The following MED27 variants were observed in gnomAD, a reference collection of about 807,000 sequenced individuals.
MED27 encodes mediator of RNA polymerase II transcription subunit 27.
A neutral mutation model predicts 38.2 loss-of-function variants in MED27; 30 were observed. The ratio of observed to expected loss-of-function variants is 0.79; its 90% CI spans 0.59 to 1.07. The LOEUF is 1.07. MED27 is among the 50% of genes least tolerant of loss of function. The pLI, the probability that MED27 is intolerant of heterozygous loss-of-function variation, is 0.00. For missense variants in MED27, 289 were observed against 397.5 expected, an observed-to-expected ratio of 0.73 and a Z score of 2.32; for synonymous variants, 122 against 153.5, an observed-to-expected ratio of 0.79 and a Z score of 1.52.
intron 4 of MED27, among the ~76,000 whole-genome samples, chr9:131,909,643 A>G (rs1164010686): frequency 6.6e-6 from 1 of 152,242 alleles, no homozygotes; most frequent in Admixed American, 6.5e-5. Flanking sequence ...TTTAATACAA[A>G]TCAATATGTG....
At chr9:131,985,104 A>T (rs1831820600) in intron 3 of MED27, among the ~76,000 whole-genome samples, 1 of 152,072 alleles carries the variant, frequency 6.6e-6, no homozygotes, top group Non-Finnish European at 1.5e-5. Flanking sequence ...TGGTGGTCTT[A>T]TGAGACTGTT....
At chr9:131,953,435 G>A (rs1831036840) in intron 3 of MED27, among the ~76,000 whole-genome samples, 1 of 152,160 alleles carries the variant, frequency 6.6e-6, no homozygotes, top group African/African-American at 2.4e-5. Flanking sequence ...GGTTTTAGGT[G>A]ATATATGGAT....
At chr9:131,886,545 T>G (rs1390064133) in intron 5 of MED27, among the ~76,000 whole-genome samples, 2 of 152,212 alleles carry the variant, frequency 1.3e-5, no homozygotes, top group Admixed American at 6.5e-5. Context: ...CAATTGCCAG[T>G]CAGTGCCCCC....
chr9:131,995,362 A>C (rs1433480445), intron 3 of MED27, among the ~76,000 whole-genome samples: 1 of 152,052 alleles, frequency 6.6e-6, no homozygotes, highest in Admixed American at 6.6e-5. Context: ...ACCCAACAGC[A>C]TGGACTTGCA....
At chr9:131,966,803 C>T (rs1831360283) in intron 3 of MED27, among the ~76,000 whole-genome samples, 1 of 152,130 alleles carries the variant, frequency 6.6e-6, no homozygotes, top group African/African-American at 2.4e-5. Context: ...CTTCAGTTTC[C>T]TCCTTTACAA....
intron 2 of MED27, among the ~76,000 whole-genome samples, chr9:132,020,449 T>C (rs1832693362): frequency 6.6e-6 from 1 of 152,164 alleles, no homozygotes; most frequent in South Asian, 2.1e-4. Flanking sequence ...ACAGCTGGGA[T>C]GTGTGTTGCG....
intron 3 of MED27, among the ~76,000 whole-genome samples, chr9:131,939,818 G>A (rs760293703): frequency 2.6e-5 from 4 of 151,912 alleles, no homozygotes; most frequent in East Asian, 1.9e-4. Context: ...CTGCTGTTGC[G>A]CACCTCCGGG....
At chr9:132,013,395 T>C (rs147343411) in intron 3 of MED27, among the ~76,000 whole-genome samples, 2 of 152,306 alleles carry the variant, frequency 1.3e-5, no homozygotes, top group East Asian at 1.9e-4. Flanking sequence ...GAAGTCAGAA[T>C]GGTGTTAAAC....
At chr9:132,037,967 G>A (rs1833117800) in intron 2 of MED27, among the ~76,000 whole-genome samples, 1 of 152,068 alleles carries the variant, frequency 6.6e-6, no homozygotes, top group African/African-American at 2.4e-5. Flanking sequence ...GGTGCGTGAG[G>A]GTGGATTTGT....
At chr9:131,939,129 A>T (rs1258030531) in intron 4 of MED27, among the ~76,000 whole-genome samples, 3 of 152,206 alleles carry the variant, frequency 2.0e-5, no homozygotes, top group African/African-American at 4.8e-5. Context: ...TAAGTGACTT[A>T]AGGTGAAATG....
intron 3 of MED27, among the ~76,000 whole-genome samples, chr9:132,005,829 T>C (rs1589261614): frequency 6.6e-6 from 1 of 152,326 alleles, no homozygotes; most frequent in East Asian, 1.9e-4. Context: ...TCAGACAGCT[T>C]AAACATGACT....
In MED27 at chr9:132,038,739, A is replaced by G. The variant is rs983078058; in HGVS notation, c.349-24272T>C. ...TGGCATATTTGGGGGCAGAAGAGTCAGCACAGAAGCTCTAAGGTGGAGATG... is the reference window on the plus strand; with the variant it reads ...TGGCATATTTGGGGGCAGAAGAGTCGGCACAGAAGCTCTAAGGTGGAGATG... On this transcript the variant is annotated intron_variant, in intron 2 of 7. Coordinates refer to ENST00000292035, the MANE Select transcript of MED27 (RefSeq NM_004269.4). Among the ~76,000 whole-genome samples, 4 of 152,346 alleles carry G rather than the reference A, an allele frequency of 2.6e-5. No individual in the cohort carries two copies. In the East Asian group the frequency reaches 7.7e-4, roughly 29 times the overall value.
At chr9:132,020,244 T>C (rs985251494) in intron 2 of MED27, among the ~76,000 whole-genome samples, 1 of 152,144 alleles carries the variant, frequency 6.6e-6, no homozygotes, top group Non-Finnish European at 1.5e-5. Context: ...TTATATATAA[T>C]GATAGCAAGC....
chr9:131,888,186 T>C (rs1344565492), intron 5 of MED27, among the ~76,000 whole-genome samples: 1 of 152,256 alleles, frequency 6.6e-6, no homozygotes, highest in African/African-American at 2.4e-5. Context: ...CTGATGAAGA[T>C]GACGCATTCG....
chr9:131,900,097 G>C (rs1829910123), intron 4 of MED27, among the ~76,000 whole-genome samples: 1 of 152,224 alleles, frequency 6.6e-6, no homozygotes. Flanking sequence ...ACTACTCATG[G>C]TAGAGAGTCA....
At chr9:131,922,356 G>A (rs1486728557) in intron 4 of MED27, among the ~76,000 whole-genome samples, 2 of 151,734 alleles carry the variant, frequency 1.3e-5, no homozygotes, top group Admixed American at 6.5e-5. Context: ...TCAATGGACT[G>A]TAATCCATTA....
intron 3 of MED27, among the ~76,000 whole-genome samples, chr9:131,972,565 A>G (rs767175132): frequency 2.6e-5 from 4 of 152,194 alleles, no homozygotes; most frequent in Non-Finnish European, 5.9e-5. Flanking sequence ...TAAATGTCCA[A>G]TGAATGAATG....
At chr9:132,020,483 C>A (rs1173148666) in intron 2 of MED27, among the ~76,000 whole-genome samples, 1 of 152,216 alleles carries the variant, frequency 6.6e-6, no homozygotes, top group Non-Finnish European at 1.5e-5. Context: ...GGGTGCTAAT[C>A]TGAGAGTCTC....
chr9:132,046,294 T>C (rs1277123922), intron 2 of MED27, among the ~76,000 whole-genome samples: 1 of 152,242 alleles, frequency 6.6e-6, no homozygotes, highest in East Asian at 1.9e-4. Flanking sequence ...TTTATTTTGT[T>C]ATTTTGTGTT....
Sources: allele counts gnomAD v4.1 joint callset (sites outside exome capture counted in the v4.1 genomes callset), GRCh38; gene constraint gnomAD v4.1.1; transcripts MANE v1.5; gene names NCBI Gene and HGNC (gene_info 2026-07-23, HGNC 2026-07-21).